The following KCTD20 variants were observed in gnomAD, a reference collection of about 807,000 sequenced individuals.
KCTD20 encodes the protein BTB/POZ domain-containing protein KCTD20.
KCTD20 carries 30 observed loss-of-function variants against 39.6 expected under a neutral mutation model. That is an observed-to-expected ratio of 0.76 (90% CI 0.57 to 1.03). The LOEUF is 1.03. KCTD20 is among the 50% of genes least tolerant of loss of function. KCTD20 has a pLI of 0.00. For synonymous variants in KCTD20, 162 were observed against 180.6 expected, an observed-to-expected ratio of 0.90 and a Z score of 0.83; for missense variants, 422 against 522.0, an observed-to-expected ratio of 0.81 and a Z score of 1.87.
chr6:36,457,729 A>G (rs1775481438), intron 1 of KCTD20, among the ~76,000 whole-genome samples: 1 of 152,242 alleles, frequency 6.6e-6, no homozygotes, highest in Non-Finnish European at 1.5e-5. Context: ...TGTGGCAAGA[A>G]TTATAGATTT....
chr6:36,456,501 A>T lies in KCTD20; in HGVS notation c.-47+13390A>T, dbSNP rs1459743752. On this transcript the variant is annotated intron_variant, in intron 1 of 7. Coordinates refer to ENST00000373731, the MANE Select transcript of KCTD20 (RefSeq NM_173562.5). ...ACCATGTTGGCCAGGCTGGTCTCGA[A>T]CTCCTGACCTTAGATGATCCGCCCA... Among the ~76,000 whole-genome samples, 3 of 149,928 alleles carry T rather than the reference A, an allele frequency of 2.0e-5. No homozygotes were observed. In the East Asian group the frequency reaches 5.9e-4, roughly 29 times the overall value.
intron 1 of KCTD20, among the ~76,000 whole-genome samples, chr6:36,447,378 A>G (rs956377715): frequency 1.3e-5 from 2 of 152,192 alleles, no homozygotes; most frequent in Non-Finnish European, 2.9e-5. Context: ...CTGTAATCCC[A>G]GCACTTTGAG....
At chr6:36,484,384 T>C (rs1186472469) in intron 6 of KCTD20, among the ~76,000 whole-genome samples, 1 of 152,216 alleles carries the variant, frequency 6.6e-6, no homozygotes, top group Non-Finnish European at 1.5e-5. Flanking sequence ...ATTAAGGAAA[T>C]TAACCTTTTA....
rs919148353 is a variant in KCTD20 at position 36,482,510 on chromosome 6, G to A, written c.856+751G>A. ...GGCGGTTGCAGTGAGCCGAGATCAC[G>A]CCATTGCGCTCCAGCCCGGGCGACA... On this transcript the variant is annotated intron_variant, in intron 6 of 7. Transcript: ENST00000373731. 3.3e-5 allele frequency among the ~76,000 whole-genome samples: 5 copies of A among 151,482 alleles called. No homozygotes were observed. In the South Asian group the frequency reaches 6.3e-4, roughly 19 times the overall value.
At chr6:36,449,697 T>G (rs888188447) in intron 1 of KCTD20, among the ~76,000 whole-genome samples, 4 of 152,172 alleles carry the variant, frequency 2.6e-5, no homozygotes, top group Non-Finnish European at 4.4e-5. Flanking sequence ...TGTTTATGTG[T>G]TCTACTCGCC....
chr6:36,448,015 G>GTGTATGTATATATATATATATATA lies in KCTD20; in HGVS notation c.-47+4905_-47+4906insGTATGTATATATATATATATATAT, dbSNP rs559687288. Among the ~76,000 whole-genome samples, 164 of 128,886 alleles carry GTGTATGTATATATATATATATATA rather than the reference G, an allele frequency of 1.3e-3. 3 individuals are homozygous for GTGTATGTATATATATATATATATA. Among genetic ancestry groups the GTGTATGTATATATATATATATATA allele is most frequent in the African/African-American group, 5.1e-3 (147 of 29,024 alleles). The allele number at this position is 128,886 out of a possible 152,430, so 84.6% of individuals were successfully genotyped here. A position where few individuals can be genotyped will look rare whatever the true frequency, so the allele number is the denominator to read the frequency against. On this transcript the variant is annotated intron_variant, in intron 1 of 7. Coordinates refer to ENST00000373731, the MANE Select transcript of KCTD20 (RefSeq NM_173562.5). ...CCAAAATATATGTGTATGTGTGTGT[G>GTGTATGTATATATATATATATATA]TATATATATATATATATATATATAT...
chr6:36,449,053 G>A (rs1396421548), intron 1 of KCTD20, among the ~76,000 whole-genome samples: 1 of 152,188 alleles, frequency 6.6e-6, no homozygotes, highest in African/African-American at 2.4e-5. Context: ...CAGACCCAAA[G>A]AATGAGCAGC....
chr6:36,445,014 C>T (rs1401312433), intron 1 of KCTD20, among the ~76,000 whole-genome samples: 1 of 152,110 alleles, frequency 6.6e-6, no homozygotes. Flanking sequence ...GTAATCCCAG[C>T]AATTTGGGAA....
chr6:36,465,204 G>C (rs977732074), intron 1 of KCTD20, among the ~76,000 whole-genome samples: 5 of 151,346 alleles, frequency 3.3e-5, no homozygotes, highest in African/African-American at 1.2e-4. Context: ...GCTGAGGCAG[G>C]AGAATTGCTT....
intron 1 of KCTD20, among the ~76,000 whole-genome samples, chr6:36,453,930 T>G (rs1775347806): frequency 6.6e-6 from 1 of 152,248 alleles, no homozygotes; most frequent in Admixed American, 6.5e-5. Flanking sequence ...TTGTGTTCTG[T>G]TTTTGGTCCA....
intron 1 of KCTD20, among the ~76,000 whole-genome samples, chr6:36,449,770 A>T (rs937850925): frequency 4.6e-5 from 7 of 152,142 alleles, no homozygotes; most frequent in African/African-American, 1.7e-4. Flanking sequence ...TTTAAAAGGC[A>T]CTGTCTCCAA....
intron 1 of KCTD20, chr6:36,451,452 T>A (rs1377696565): frequency 2.0e-5 from 3 of 152,208 alleles, no homozygotes; most frequent in Non-Finnish European, 4.4e-5. Context: ...AACTTGCCTT[T>A]TAAAAATCTA....
intron 1 of KCTD20, among the ~76,000 whole-genome samples, chr6:36,449,397 GAC>G (rs573422379): frequency 1.3e-5 from 2 of 152,108 alleles, no homozygotes; most frequent in South Asian, 4.2e-4. Flanking sequence ...CTGATTGATA[GAC>G]ACAGAGCGCT....
rs1166769241 is a variant in KCTD20, at chr6:36,487,833, TTGA to T, written c.*662_*664del. ...CAGGAAGGATAATGGAATAACAGTGTTGATGAGACCTTTTTAGCTTCAAGGTTT... is the reference window on the plus strand; with the variant it reads ...CAGGAAGGATAATGGAATAACAGTGTTGAGACCTTTTTAGCTTCAAGGTTT... On this transcript the variant is annotated 3_prime_UTR_variant, in exon 8 of 8. Coordinates refer to ENST00000373731, the MANE Select transcript of KCTD20 (RefSeq NM_173562.5). 6.6e-6 allele frequency: 1 copy of T among 152,214 alleles called. No individual in the cohort carries two copies. Among genetic ancestry groups the T allele is most frequent in the Non-Finnish European group, 1.5e-5 (1 of 68,042 alleles). The allele number at this position is 152,214 out of a possible 1,614,324, so 9.4% of individuals were successfully genotyped here. A position where few individuals can be genotyped will look rare whatever the true frequency, so the allele number is the denominator to read the frequency against.
intron 1 of KCTD20, among the ~76,000 whole-genome samples, chr6:36,467,399 C>CG (rs993179341): frequency 9.1e-6 from 1 of 109,562 alleles, no homozygotes; most frequent in African/African-American, 3.5e-5. Context: ...AGTGCAATGG[C>CG]GCCATCTCTG....
rs1776477271 is a variant in KCTD20 at position 36,487,987 on chromosome 6, A to C, written c.*812A>C. On this transcript the variant is annotated 3_prime_UTR_variant, in exon 8 of 8. Coordinates refer to ENST00000373731, the MANE Select transcript of KCTD20 (RefSeq NM_173562.5). ...CTGGTGTGAAACCATAGGTCTTAACACTCTGGAGCAGCACATTGCTGTGGA... is the reference window on the plus strand; with the variant it reads ...CTGGTGTGAAACCATAGGTCTTAACCCTCTGGAGCAGCACATTGCTGTGGA... The C allele has an allele frequency of 6.6e-6, 1 of 152,182 alleles. No homozygotes were observed. Among genetic ancestry groups the C allele is most frequent in the Non-Finnish European group, 1.5e-5 (1 of 68,042 alleles). 9.4% of individuals were successfully genotyped at this position (152,182 alleles called of 1,614,324 possible). A position where few individuals can be genotyped will look rare whatever the true frequency, so the allele number is the denominator to read the frequency against.
Position 36,488,554 on chromosome 6 carries a change from T to C in KCTD20, c.*1379T>C, listed in dbSNP as rs1409403904. Reference sequence around the variant, plus strand: ...CAGGTTGAGTATCTCTTATCCAAAATGCTAGGGACCAGAAAGGTTTCAGAT... The same window carrying C: ...CAGGTTGAGTATCTCTTATCCAAAACGCTAGGGACCAGAAAGGTTTCAGAT... On this transcript the variant is annotated 3_prime_UTR_variant, in exon 8 of 8. Coordinates refer to ENST00000373731, the MANE Select transcript of KCTD20 (RefSeq NM_173562.5). 8 of 152,354 alleles carry C rather than the reference T, an allele frequency of 5.3e-5. No individual in the cohort carries two copies. The highest frequency in any genetic ancestry group is 1.9e-4 in the African/African-American group (8 of 41,584). The allele number at this position is 152,354 out of a possible 1,614,324, so 9.4% of individuals were successfully genotyped here.
intron 1 of KCTD20, among the ~76,000 whole-genome samples, chr6:36,457,121 TG>T (rs1408824023): frequency 1.3e-5 from 2 of 152,048 alleles, no homozygotes; most frequent in African/African-American, 4.8e-5. Context: ...TTTGGAGAGA[TG>T]GGGGTCTCAC....
chr6:36,489,458 T>C lies in KCTD20; in HGVS notation c.*2283T>C, dbSNP rs980555917. 6.6e-6 allele frequency: 1 copy of C among 152,172 alleles called. No individual in the cohort carries two copies. Among genetic ancestry groups the C allele is most frequent in the South Asian group, 2.1e-4 (1 of 4,836 alleles). The allele number at this position is 152,172 out of a possible 1,614,324, so 9.4% of individuals were successfully genotyped here. A position where few individuals can be genotyped will look rare whatever the true frequency, so the allele number is the denominator to read the frequency against. ...GCTGGAAATCTGTGACGGTAGGCTTTCTAGTGTCACGAGGTGGTGGTGACT... is the reference window on the plus strand; with the variant it reads ...GCTGGAAATCTGTGACGGTAGGCTTCCTAGTGTCACGAGGTGGTGGTGACT... On this transcript the variant is annotated 3_prime_UTR_variant, in exon 8 of 8. Coordinates refer to ENST00000373731, the MANE Select transcript of KCTD20 (RefSeq NM_173562.5).
Sources: allele counts gnomAD v4.1 joint callset (sites outside exome capture counted in the v4.1 genomes callset), GRCh38; gene constraint gnomAD v4.1.1; transcripts MANE v1.5; gene names NCBI Gene and HGNC (gene_info 2026-07-23, HGNC 2026-07-21).